DOCK1: variants seen among roughly 807,000 people sequenced by gnomAD.
DOCK1 encodes the protein dedicator of cytokinesis 1.
Under a neutral mutation model 262.7 loss-of-function variants are expected in DOCK1, and 138 were observed. That is an observed-to-expected ratio of 0.53 (90% confidence interval 0.46 to 0.61). The LOEUF is 0.61. Ranked by LOEUF, DOCK1 falls within the 20% of genes least tolerant of loss-of-function variation. The probability of loss-of-function intolerance (pLI) is 0.00; values close to 1 mark genes in which losing one functional copy is unlikely to be tolerated. For synonymous variants in DOCK1, 866 were observed against 867.4 expected (o/e 1.00, Z 0.03); for missense variants, 1,908 against 2,370.7 (o/e 0.80, Z 4.05).
In DOCK1 at chr10:127,444,290, C is replaced by A. The variant is rs370988307; in HGVS notation, c.5413+11C>A. 1.9e-5 allele frequency: 30 copies of A among 1,593,652 alleles called. No homozygotes were observed. In the East Asian group the frequency reaches 6.5e-4, roughly 34 times the overall value. ...TCAGCATGCAGTCGAGTAAGTGGAA[C>A]GCTCCCCACATACGAATCGTGCTAT... On this transcript the variant is annotated intron_variant, in intron 50 of 51. Coordinates refer to ENST00000623213, the MANE Select transcript of DOCK1 (RefSeq NM_001290223.2).
intron 29 of DOCK1, among the ~76,000 whole-genome samples, chr10:127,291,262 T>A (rs1057117151): frequency 1.3e-5 from 2 of 152,202 alleles, no homozygotes; most frequent in Non-Finnish European, 2.9e-5. Context: ...GTGAGGCAAG[T>A]GGTATCGAAT....
intron 9 of DOCK1, 145 bp downstream of exon 9, chr10:126,999,580 G>A (rs1565047538): frequency 9.6e-6 from 6 of 623,450 alleles, no homozygotes; most frequent in South Asian, 2.2e-5. Context: ...TAAGTAGAGC[G>A]CATTTCCAGA....
chr10:127,247,145 C>A (rs1457028506), intron 27 of DOCK1, among the ~76,000 whole-genome samples: 1 of 152,196 alleles, frequency 6.6e-6, no homozygotes, highest in African/African-American at 2.4e-5. Context: ...GTGTGCACAC[C>A]CACGTCCACA....
Position 127,343,685 on chromosome 10 carries a change from A to G in DOCK1, c.3163A>G (p.Thr1055Ala). ...CTTTCACCTGGCTGTTGCTTTCCTT[A>G]CTCAAGAGTCCCTGCAACTGGAGAA... is the stretch of plus-strand genomic sequence containing the variant. ...NYFHLAVAFL[T>A]QESLQLENFS... Residue 1055 changes from threonine to alanine, a missense_variant, in exon 31 of 52, where the codon ACT (threonine) becomes GCT (alanine). Thr to Ala is a moderately conservative substitution (Grantham distance 58, BLOSUM62 0). This residue lies in a region of DOCK1 where 518 missense variants were observed against 575.1 expected (regional missense o/e 0.90). Transcript: ENST00000623213. 1 of 1,611,642 alleles carries G rather than the reference A, an allele frequency of 6.2e-7. No individual in the cohort carries two copies. The highest frequency in any genetic ancestry group is 8.5e-7 in the Non-Finnish European group (1 of 1,179,080).
At chr10:127,103,210 G>C (rs1453066716) in intron 23 of DOCK1, among the ~76,000 whole-genome samples, 2 of 152,194 alleles carry the variant, frequency 1.3e-5, no homozygotes, top group Non-Finnish European at 2.9e-5. Context: ...AGTGTTTGGA[G>C]ATTACAAATA....
At chr10:127,403,945 G>C (rs2067367461) in intron 39 of DOCK1, among the ~76,000 whole-genome samples, 1 of 152,158 alleles carries the variant, frequency 6.6e-6, no homozygotes, top group Admixed American at 6.5e-5. Context: ...GAACGATTCT[G>C]TTCCTTTAAA....
At chr10:127,121,445 G>T (rs905549790) in intron 25 of DOCK1, among the ~76,000 whole-genome samples, 3 of 137,966 alleles carry the variant, frequency 2.2e-5, no homozygotes, top group Non-Finnish European at 4.6e-5. Flanking sequence ...TCATTGTAGG[G>T]TATATGTATA....
chr10:126,915,573 C>T (rs779133867), intron 1 of DOCK1, among the ~76,000 whole-genome samples: 5 of 152,082 alleles, frequency 3.3e-5, no homozygotes, highest in Admixed American at 6.6e-5. Flanking sequence ...TGTGCACCAC[C>T]GCATCTGGTA....
At chr10:127,402,393 A>G (rs147630748) in intron 38 of DOCK1, among the ~76,000 whole-genome samples, 39 of 152,306 alleles carry the variant, frequency 2.6e-4, no homozygotes, top group African/African-American at 8.2e-4. Context: ...CAGGCCAACT[A>G]TCTATCAAAA....
chr10:127,225,162 GAGA>G (rs1307438630), intron 27 of DOCK1, among the ~76,000 whole-genome samples: 1 of 152,214 alleles, frequency 6.6e-6, no homozygotes, highest in African/African-American at 2.4e-5. Context: ...AGTAATTTAT[GAGA>G]AGGACAAGAA....
At chr10:127,435,922 G>T (rs2069655155) in intron 48 of DOCK1, among the ~76,000 whole-genome samples, 2 of 152,134 alleles carry the variant, frequency 1.3e-5, no homozygotes, top group African/African-American at 4.8e-5. Flanking sequence ...AACTCCACCT[G>T]CCTTTCTCTG....
intron 12 of DOCK1, among the ~76,000 whole-genome samples, chr10:127,017,048 C>T (rs2042001678): frequency 6.9e-6 from 1 of 145,300 alleles, no homozygotes; most frequent in Non-Finnish European, 1.5e-5. Flanking sequence ...CACACACACA[C>T]ACACACACAC....
intron 1 of DOCK1, among the ~76,000 whole-genome samples, chr10:126,913,487 C>T (rs1458585797): frequency 1.3e-5 from 2 of 152,216 alleles, no homozygotes; most frequent in Non-Finnish European, 2.9e-5. Context: ...CCACTCGCAC[C>T]TTGCGTGGCC....
intron 23 of DOCK1, among the ~76,000 whole-genome samples, chr10:127,105,286 A>G (rs1220152945): frequency 6.6e-6 from 1 of 152,174 alleles, no homozygotes; most frequent in Non-Finnish European, 1.5e-5. Flanking sequence ...TAGGATGAAA[A>G]TGGACTAATA....
intron 1 of DOCK1, among the ~76,000 whole-genome samples, chr10:126,925,866 G>C (rs114777472): frequency 1.2e-3 from 178 of 152,052 alleles, no homozygotes; most frequent in African/African-American, 4.1e-3. Flanking sequence ...GTGATGTGGG[G>C]TGTGCCTGCT....
At chr10:127,351,003 C>A (rs1029284158) in intron 31 of DOCK1, among the ~76,000 whole-genome samples, 2 of 152,136 alleles carry the variant, frequency 1.3e-5, no homozygotes, top group African/African-American at 4.8e-5. Context: ...TCAGAGTGGT[C>A]AAGTAAATTG....
chr10:127,041,746 C>T (rs1309558127), intron 19 of DOCK1, among the ~76,000 whole-genome samples: 1 of 152,168 alleles, frequency 6.6e-6, no homozygotes. Flanking sequence ...AATTGTAGCC[C>T]AGATAGTGGG....
chr10:127,339,838 G>C (rs1190981484), intron 30 of DOCK1, among the ~76,000 whole-genome samples: 1 of 151,838 alleles, frequency 6.6e-6, no homozygotes, highest in African/African-American at 2.4e-5. Flanking sequence ...TGCTAATAAT[G>C]ATTTTATCTG....
chr10:127,128,057 T>G (rs2050077596), intron 27 of DOCK1: 1 of 198,756 alleles, frequency 5.0e-6, no homozygotes, highest in Non-Finnish European at 1.0e-5. Flanking sequence ...TGTTTACACT[T>G]AAGGTGCCAT....
Sources: allele counts gnomAD v4.1 joint callset (sites outside exome capture counted in the v4.1 genomes callset), GRCh38; gene constraint gnomAD v4.1.1; regional missense constraint gnomAD v4.1.1; transcripts MANE v1.5; gene names NCBI Gene and HGNC (gene_info 2026-07-23, HGNC 2026-07-21).